Variants in OPTN observed in about 807,000 individuals in gnomAD.
The protein encoded by OPTN is E3-14.7K-interacting protein.
In OPTN, 54 loss-of-function variants were observed where a neutral mutation model predicts 70.4. The observed-to-expected ratio is 0.77, with a 90% CI of 0.62 to 0.96. The LOEUF (loss-of-function observed/expected upper bound fraction) is 0.96. Ranked by LOEUF, OPTN falls within the 40% of genes least tolerant of loss-of-function variation. The pLI, the probability that OPTN is intolerant of heterozygous loss-of-function variation, is 0.00. For missense variants in OPTN, 624 were observed against 673.2 expected, an observed-to-expected ratio of 0.93 and a Z score of 0.81; for synonymous variants, 256 against 248.5, an observed-to-expected ratio of 1.03 and a Z score of -0.28.
In OPTN at chr10:13,137,291, G is replaced by GA. The variant is rs555831197; in HGVS notation, c.*432dup. On this transcript the variant is annotated 3_prime_UTR_variant, in exon 15 of 15. Coordinates refer to ENST00000378747, the MANE Select transcript of OPTN (RefSeq NM_001008212.2). ...GAGACTCTGTCTCGAAAGAAAGAAA[G>GA]AAAAAAAGGAAGGAAGGAGAAGGAA... 3.2e-6 allele frequency: 1 copy of GA among 308,876 alleles called. No individual in the cohort carries two copies. The allele number at this position is 308,876 out of a possible 1,614,324, so 19.1% of individuals were successfully genotyped here. A position where few individuals can be genotyped will look rare whatever the true frequency, so the allele number is the denominator to read the frequency against.
rs764367970 is a variant in OPTN at position 13,125,451 on chromosome 10, T to C, written c.1032T>C (p.Ile344=). ...CCCTTGAAAGGAAAAATTCTGCAAT[T>C]CCATCAGAGTTGAATGAAAAGCAAG... The part of the protein sequence containing the change: ...CQALERKNSA[I]PSELNEKQEL... The change falls in exon 10 of 15, where the codon ATT becomes ATC. Residue 344 remains isoleucine, a synonymous_variant. Coordinates refer to ENST00000378747, the MANE Select transcript of OPTN (RefSeq NM_001008212.2). 6.2e-6 allele frequency: 10 copies of C among 1,613,992 alleles called. No homozygotes were observed. The highest frequency in any genetic ancestry group is 8.5e-6 in the Non-Finnish European group (10 of 1,180,012).
At chr10:13,102,453 G>T (rs1832771280) in intron 1 of OPTN, among the ~76,000 whole-genome samples, 1 of 152,260 alleles carries the variant, frequency 6.6e-6, no homozygotes, top group Admixed American at 6.5e-5. Flanking sequence ...TTAGGAGGCT[G>T]TTAAAATGTA....
chr10:13,101,369 G>A (rs551282383), intron 1 of OPTN, among the ~76,000 whole-genome samples: 11 of 151,886 alleles, frequency 7.2e-5, no homozygotes, highest in Non-Finnish European at 1.5e-4. Flanking sequence ...TATTATGCTA[G>A]GAATATAACT....
At chr10:13,115,392 A>G (rs1234972922) in intron 5 of OPTN, among the ~76,000 whole-genome samples, 10 of 107,074 alleles carry the variant, frequency 9.3e-5, no homozygotes, top group Non-Finnish European at 1.7e-5. Flanking sequence ...CTGTTTTATA[A>G]TAGATATATC....
chr10:13,103,209 G>A (rs961494883), intron 1 of OPTN, among the ~76,000 whole-genome samples: 2 of 152,146 alleles, frequency 1.3e-5, no homozygotes, highest in Non-Finnish European at 1.5e-5. Flanking sequence ...AGGTGGGAAG[G>A]GTTTAGTCAA....
At chr10:13,110,128 T>G (rs1832963864) in intron 3 of OPTN, 146 bp from the exon 4 acceptor site, 1 of 1,457,842 alleles carries the variant, frequency 6.9e-7, no homozygotes, top group South Asian at 1.3e-5. Context: ...CCACTTCGTC[T>G]TTTTGCTGCT....
In OPTN at chr10:13,132,096, T is replaced by A. The variant is rs1188022941; in HGVS notation, c.1431T>A (p.Ala477=). 1 of 1,613,390 alleles carries A rather than the reference T, an allele frequency of 6.2e-7. No individual in the cohort carries two copies. Among genetic ancestry groups the A allele is most frequent in the East Asian group, 2.2e-5 (1 of 44,864 alleles). ...AAGTTTACTGTTCTGATTTTCATGC[T>A]GAAAGAGCAGCGAGAGAGAAAATTC... The part of the protein sequence containing the change: ...QMEVYCSDFH[A]ERAAREKIHE... Residue 477 remains alanine, a synonymous_variant, in exon 13 of 15, where the codon GCT becomes GCA. Coordinates refer to ENST00000378747, the MANE Select transcript of OPTN (RefSeq NM_001008212.2).
At chr10:13,130,872 GTT>G (rs1833580628) in intron 12 of OPTN, among the ~76,000 whole-genome samples, 1 of 151,892 alleles carries the variant, frequency 6.6e-6, no homozygotes, top group Non-Finnish European at 1.5e-5. Context: ...ACTATTAAGT[GTT>G]TTGTTATTTA....
intron 8 of OPTN, 84 bp from the exon 9 acceptor site, chr10:13,123,911 G>A: frequency 1.1e-6 from 1 of 941,838 alleles, no homozygotes; most frequent in East Asian, 2.5e-5. Flanking sequence ...GGCTACTAAT[G>A]GTTCAGCCTG....
chr10:13,128,638 G>C (rs1402618825), intron 12 of OPTN, among the ~76,000 whole-genome samples: 1 of 149,456 alleles, frequency 6.7e-6, no homozygotes, highest in Non-Finnish European at 1.5e-5. Context: ...TGCCTCCTGG[G>C]TTCAGGTGAT....
intron 13 of OPTN, among the ~76,000 whole-genome samples, chr10:13,133,130 A>C (rs1041408672): frequency 6.6e-6 from 1 of 152,210 alleles, no homozygotes. Flanking sequence ...TTAAGTTACA[A>C]AATGATCACT....
intron 2 of OPTN, 146 bp from the exon 3 acceptor site, chr10:13,108,966 A>G (rs1832932224): frequency 2.6e-6 from 2 of 775,954 alleles, no homozygotes; most frequent in Admixed American, 3.6e-5. Context: ...TAAAAGGAAG[A>G]ATCAAAAATG....
intron 1 of OPTN, among the ~76,000 whole-genome samples, chr10:13,102,381 A>G (rs1294427373): frequency 6.6e-6 from 1 of 152,180 alleles, no homozygotes; most frequent in African/African-American, 2.4e-5. Context: ...GAATGACCTC[A>G]TATTGCAAAA....
chr10:13,121,142 A>C (rs1202766770), intron 7 of OPTN, among the ~76,000 whole-genome samples: 1 of 152,126 alleles, frequency 6.6e-6, no homozygotes, highest in African/African-American at 2.4e-5. Flanking sequence ...TGGGGACAAC[A>C]AAGCCTAACC....
intron 12 of OPTN, among the ~76,000 whole-genome samples, chr10:13,129,572 C>G (rs1051104735): frequency 1.3e-5 from 2 of 151,954 alleles, no homozygotes; most frequent in Non-Finnish European, 1.5e-5. Context: ...ATGGTGGTCT[C>G]GAACAGTTGA....
chr10:13,103,136 G>A (rs998306722), intron 1 of OPTN, among the ~76,000 whole-genome samples: 3 of 152,036 alleles, frequency 2.0e-5, no homozygotes, highest in African/African-American at 7.2e-5. Context: ...ATCCCTTCTA[G>A]TGTGTAATGA....
In OPTN at chr10:13,132,056, T is replaced by G. The variant is rs1027532160; in HGVS notation, c.1402-11T>G. ...AGGTACTAACTTCTGTATCTTTTTTTCCTCTAACAGATGGAAGTTTACTGT... is the reference window on the plus strand; with the variant it reads ...AGGTACTAACTTCTGTATCTTTTTTGCCTCTAACAGATGGAAGTTTACTGT... On this transcript the variant is annotated splice_polypyrimidine_tract_variant and intron_variant, in intron 12 of 14. Coordinates refer to ENST00000378747, the MANE Select transcript of OPTN (RefSeq NM_001008212.2). 1.2e-6 allele frequency: 2 copies of G among 1,611,070 alleles called. No homozygotes were observed. Among genetic ancestry groups the G allele is most frequent in the Non-Finnish European group, 1.7e-6 (2 of 1,177,990 alleles).
chr10:13,109,570 C>A, intron 3 of OPTN: 1 of 387,448 alleles, frequency 2.6e-6, no homozygotes, highest in Non-Finnish European at 4.8e-6. Flanking sequence ...TCATGCCTGT[C>A]ATTCCATCAC....
chr10:13,128,038 TA>T (rs1833505915), intron 12 of OPTN, 135 bp downstream of exon 12: 2 of 1,034,334 alleles, frequency 1.9e-6, no homozygotes, highest in Admixed American at 2.1e-5. Flanking sequence ...ATTAAAACTT[TA>T]AAATTGAAAC....
Sources: allele counts gnomAD v4.1 joint callset (sites outside exome capture counted in the v4.1 genomes callset), GRCh38; gene constraint gnomAD v4.1.1; transcripts MANE v1.5; gene names NCBI Gene and HGNC (gene_info 2026-07-23, HGNC 2026-07-21).